Variants in FCHO2 observed in about 807,000 individuals in gnomAD.
FCHO2 encodes FCH and mu domain containing endocytic adaptor 2, also known as F-BAR domain only protein 2.
Under a neutral mutation model 114.1 loss-of-function variants are expected in FCHO2, and 43 were observed. That is an observed-to-expected ratio of 0.38 (90% CI 0.30 to 0.49). The LOEUF is 0.49. Among genes scored for constraint, FCHO2 ranks in the 20% least tolerant of loss-of-function variants. The pLI is 0.97. For missense variants in FCHO2, 807 were observed against 950.4 expected, an observed-to-expected ratio of 0.85 and a Z score of 1.98; for synonymous variants, 293 against 315.2, an observed-to-expected ratio of 0.93 and a Z score of 0.75.
intron 1 of FCHO2, among the ~76,000 whole-genome samples, chr5:72,959,522 A>C (rs1022359907): frequency 6.6e-6 from 1 of 152,194 alleles, no homozygotes; most frequent in Non-Finnish European, 1.5e-5. Flanking sequence ...CAGAAAACTA[A>C]AAATTCACAT....
intron 2 of FCHO2, among the ~76,000 whole-genome samples, chr5:72,975,097 T>A (rs894485225): frequency 2.0e-5 from 3 of 152,190 alleles, no homozygotes; most frequent in African/African-American, 4.8e-5. Context: ...CTAATCTCTC[T>A]GACTAGGTCA....
intron 10 of FCHO2, chr5:73,037,839 C>T (rs1444372951): frequency 1.1e-5 from 4 of 350,310 alleles, no homozygotes; most frequent in Non-Finnish European, 2.3e-5. Flanking sequence ...TTACTGCATT[C>T]TCCACCTCCC....
At chr5:73,034,399 T>G (rs1319396940) in intron 8 of FCHO2, 2 of 320,876 alleles carry the variant, frequency 6.2e-6, no homozygotes, top group Non-Finnish European at 1.1e-5. Flanking sequence ...TGTGGCATCA[T>G]ATGTAATTGG....
intron 11 of FCHO2, among the ~76,000 whole-genome samples, chr5:73,047,718 A>G (rs1355580999): frequency 6.6e-6 from 1 of 152,198 alleles, no homozygotes; most frequent in African/African-American, 2.4e-5. Context: ...ATATCCTTTA[A>G]GTCATACTTT....
rs531457063 is a variant in FCHO2, at chr5:73,031,518, C to G, written c.797-3139C>G. Among the ~76,000 whole-genome samples, 31 of 152,310 alleles carry G rather than the reference C, an allele frequency of 2.0e-4. No homozygotes were observed. In the East Asian group the frequency reaches 5.0e-3, roughly 25 times the overall value. On this transcript the variant is annotated intron_variant, in intron 8 of 25. Coordinates refer to ENST00000430046, the MANE Select transcript of FCHO2 (RefSeq NM_138782.3). ...ATATTTTGTACTTTTCCTCAGTCCA[C>G]AAAACATTTGTGGTGATCAAAGATT...
chr5:72,980,541 C>T (rs552001300), intron 2 of FCHO2, among the ~76,000 whole-genome samples: 11 of 152,124 alleles, frequency 7.2e-5, no homozygotes, highest in South Asian at 4.2e-4. Context: ...ATATTGACAG[C>T]GGGGTGTTAA....
chr5:73,006,044 C>T (rs1754696882), intron 5 of FCHO2, among the ~76,000 whole-genome samples: 2 of 151,930 alleles, frequency 1.3e-5, no homozygotes, highest in African/African-American at 4.8e-5. Flanking sequence ...TTCACAGCTG[C>T]GAAAAGGAGT....
chr5:73,081,447 T>G (rs1228232273), intron 22 of FCHO2, among the ~76,000 whole-genome samples: 1 of 152,218 alleles, frequency 6.6e-6, no homozygotes, highest in African/African-American at 2.4e-5. Flanking sequence ...GTTGGAAGAT[T>G]CGCAAACTTT....
At chr5:72,966,201 G>A (rs544362439) in intron 1 of FCHO2, among the ~76,000 whole-genome samples, 1 of 152,330 alleles carries the variant, frequency 6.6e-6, no homozygotes, top group Non-Finnish European at 1.5e-5. Context: ...AACATAGCGA[G>A]ACCCTGTTTC....
chr5:72,975,338 T>C (rs977613816), intron 2 of FCHO2, among the ~76,000 whole-genome samples: 8 of 152,078 alleles, frequency 5.3e-5, no homozygotes, highest in Admixed American at 1.3e-4. Flanking sequence ...GATTGATTGA[T>C]TGATTTGAGA....
At chr5:73,084,008 T>C (rs1485274151) in intron 24 of FCHO2, among the ~76,000 whole-genome samples, 1 of 152,104 alleles carries the variant, frequency 6.6e-6, no homozygotes, top group African/African-American at 2.4e-5. Context: ...TTTCTGATGA[T>C]TATTTTAAGG....
At chr5:72,982,356 G>T (rs1753258328) in intron 2 of FCHO2, among the ~76,000 whole-genome samples, 1 of 152,106 alleles carries the variant, frequency 6.6e-6, no homozygotes, top group African/African-American at 2.4e-5. Flanking sequence ...TTCCTATTCA[G>T]CCATCTTGCC....
intron 22 of FCHO2, among the ~76,000 whole-genome samples, chr5:73,078,928 G>C (rs1210665926): frequency 1.3e-5 from 2 of 152,178 alleles, no homozygotes; most frequent in Non-Finnish European, 2.9e-5. Flanking sequence ...ACAATCTCTA[G>C]TGACTTGAAT....
chr5:72,980,869 C>T (rs573987052), intron 2 of FCHO2, among the ~76,000 whole-genome samples: 17 of 152,256 alleles, frequency 1.1e-4, no homozygotes, highest in Admixed American at 3.9e-4. Context: ...CTGAATACAG[C>T]ACACCAGTGA....
At chr5:72,997,100 A>G (rs1754160379) in intron 5 of FCHO2, 14 of 1,184,514 alleles carry the variant, frequency 1.2e-5, no homozygotes, top group Admixed American at 1.7e-5. Context: ...GAGGAAGATC[A>G]TGGTGCTGGA....
At chr5:73,012,035 TA>T (rs1487122186) in intron 6 of FCHO2, among the ~76,000 whole-genome samples, 2 of 152,298 alleles carry the variant, frequency 1.3e-5, no homozygotes, top group East Asian at 3.9e-4. Context: ...ACTCTAATAA[TA>T]AAAAGTGTAG....
rs1163164765 is a variant in FCHO2, at chr5:72,956,452, C to G, written c.33+323C>G. ...CACCGGAGGCTCCCGGTGCCGCGCT[C>G]CGCGCGGGGCGTGCGCGGCAGCTCG... is the stretch of plus-strand genomic sequence containing the variant. On this transcript the variant is annotated intron_variant, in intron 1 of 25. Transcript: ENST00000430046. 2.0e-5 allele frequency among the ~76,000 whole-genome samples: 3 copies of G among 151,600 alleles called. No individual in the cohort carries two copies. The East Asian group carries it at 5.9e-4, about 30-fold the overall frequency.
Position 73,088,397 on chromosome 5 carries a change from G to A in FCHO2, c.*307G>A. ...TTCCAGTGTCTATGTTGAAAAAAAG[G>A]GTTATAGTGTAATATCAGGCCTAAA... is the stretch of plus-strand genomic sequence containing the variant. On this transcript the variant is annotated 3_prime_UTR_variant, in exon 26 of 26. Coordinates refer to ENST00000430046, the MANE Select transcript of FCHO2 (RefSeq NM_138782.3). The A allele has an allele frequency of 3.0e-6, 1 of 331,308 alleles. No homozygotes were observed. The allele number at this position is 331,308 out of a possible 1,614,324, so 20.5% of individuals were successfully genotyped here.
intron 6 of FCHO2, among the ~76,000 whole-genome samples, chr5:73,015,221 G>A (rs566263281): frequency 6.6e-6 from 1 of 151,628 alleles, no homozygotes; most frequent in East Asian, 1.9e-4. Context: ...GTTAAACATT[G>A]TGTAAAAGTG....
Sources: gnomAD v4.1 joint callset for allele counts (sites outside exome capture counted in the v4.1 genomes callset) on GRCh38, gnomAD v4.1.1 for gene constraint, MANE v1.5 for transcripts, NCBI Gene and HGNC (gene_info 2026-07-23, HGNC 2026-07-21) for gene names.